The following GAL3ST2 variants were observed in gnomAD, a reference collection of about 807,000 sequenced individuals.
GAL3ST2 encodes the protein galactose-3-O-sulfotransferase 2.
A neutral mutation model predicts 12.9 loss-of-function variants in GAL3ST2; 16 were observed. The ratio of observed to expected loss-of-function variants is 1.24; its 90% confidence interval spans 0.84 to 1.88. GAL3ST2 has a LOEUF of 1.88. GAL3ST2 is among the 40% of genes most tolerant of loss of function. GAL3ST2 has a pLI of 0.00. For missense variants in GAL3ST2, 639 were observed against 571.8 expected, an observed-to-expected ratio of 1.12 and a Z score of -1.20; for synonymous variants, 302 against 273.9, an observed-to-expected ratio of 1.10 and a Z score of -1.01.
chr2:241,793,225 G>C lies in GAL3ST2; in HGVS notation c.30-5840G>C, dbSNP rs1288215871. On this transcript the variant is annotated intron_variant, in intron 1 of 3. Transcript: ENST00000192314. This position sits in a 1 kb window ranked among gnomAD's most constrained non-coding sequence, Gnocchi z 4.7. The stretch of plus-strand genomic sequence containing the variant: ...CTATGAACCTCCCAAATCTGAGACA[G>C]GTCTCAGTTAATTTAGAAAGTTTAT... 6.6e-6 allele frequency among the ~76,000 whole-genome samples: 1 copy of C among 152,204 alleles called. No homozygotes were observed. Among genetic ancestry groups the C allele is most frequent in the African/African-American group, 2.4e-5 (1 of 41,448 alleles).
rs1223438881 is a variant in GAL3ST2, at chr2:241,799,144, C to G, written c.109C>G (p.Leu37Val). The part of the protein sequence containing the change: ...LAGFLHSDLE[L>V]DTPLFGGQAE... ...CGGATTCCTGCACTCGGACTTAGAG[C>G]TGGACACACCGTAAGTCCTGCCCCC... The change falls in exon 2 of 4, where the codon CTG becomes GTG. Residue 37 changes from leucine (L) to valine (V), a missense_variant. Coordinates refer to ENST00000192314, the MANE Select transcript of GAL3ST2 (RefSeq NM_022134.3). 4 of 1,613,570 alleles carry G rather than the reference C, an allele frequency of 2.5e-6. No individual in the cohort carries two copies. Among genetic ancestry groups the G allele is most frequent in the South Asian group, 2.2e-5 (2 of 91,080 alleles).
intron 1 of GAL3ST2, among the ~76,000 whole-genome samples, chr2:241,785,005 A>C (rs1699611594): frequency 6.6e-6 from 1 of 152,254 alleles, no homozygotes; most frequent in Non-Finnish European, 1.5e-5. Context: ...TTTTATTTAG[A>C]CAGGGACTAC....
intron 1 of GAL3ST2, among the ~76,000 whole-genome samples, chr2:241,792,857 C>T (rs1699710345): frequency 6.6e-6 from 1 of 152,204 alleles, no homozygotes; most frequent in African/African-American, 2.4e-5. Context: ...TATTCAAAGT[C>T]TCCCCTCTGC....
At chr2:241,788,527 G>GGAAAT (rs1313878888) in intron 1 of GAL3ST2, among the ~76,000 whole-genome samples, 6 of 151,816 alleles carry the variant, frequency 4.0e-5, no homozygotes, top group Non-Finnish European at 5.9e-5. Flanking sequence ...ATTTGTGCGA[G>GGAAAT]GAACTGAACT....
intron 1 of GAL3ST2, among the ~76,000 whole-genome samples, chr2:241,797,977 C>T (rs1022408113): frequency 8.5e-5 from 13 of 152,182 alleles, no homozygotes; most frequent in Non-Finnish European, 1.8e-4. Flanking sequence ...GCCTGACCTG[C>T]ACTGAGACGC....
rs1021910469 is a variant in GAL3ST2, at chr2:241,802,084, G to A, written c.375+48G>A. ...GAGGGCGGGCTGCAGCCGTGCCTGT[G>A]GCTGTGGGTCTGGGTGGTGTAGCCT... On this transcript the variant is annotated intron_variant, in intron 3 of 3. Transcript: ENST00000192314. The surrounding 1 kb of genome is among the most constrained non-coding windows in gnomAD (Gnocchi z 4.8). The A allele has an allele frequency of 1.9e-6, 3 of 1,557,038 alleles. No homozygotes were observed. The African/African-American group carries it at 4.1e-5, about 21-fold the overall frequency.
chr2:241,802,026 A>G lies in GAL3ST2; in HGVS notation c.365A>G (p.Asn122Ser), dbSNP rs1309450617. Reference sequence around the variant, plus strand: ...ATCATGTGCAACCACCTGAGGTTCAACCTGCCTCAGGTACCGCGGGCCTGC... The same window carrying G: ...ATCATGTGCAACCACCTGAGGTTCAGCCTGCCTCAGGTACCGCGGGCCTGC... ...FNIMCNHLRF[N>S]LPQVQKVMPN... Residue 122 changes from asparagine (N) to serine (S), a missense_variant, in exon 3 of 4, where the codon AAC becomes AGC. Physicochemically the swap from Asn to Ser is conservative, Grantham distance 46. Transcript: ENST00000192314. This position sits in a 1 kb window ranked among gnomAD's most constrained non-coding sequence, Gnocchi z 4.8. 6.2e-7 allele frequency: 1 copy of G among 1,610,878 alleles called. No homozygotes were observed. Among genetic ancestry groups the G allele is most frequent in the Non-Finnish European group, 8.5e-7 (1 of 1,179,152 alleles).
At chr2:241,797,917 T>A (rs1699792581) in intron 1 of GAL3ST2, among the ~76,000 whole-genome samples, 1 of 152,194 alleles carries the variant, frequency 6.6e-6, no homozygotes, top group South Asian at 2.1e-4. Context: ...CCTCTCCAGA[T>A]GCTGAGCTTG....
In GAL3ST2 at chr2:241,776,916, C is replaced by A. The variant is rs766351168; in HGVS notation, c.-40C>A. On this transcript the variant is annotated 5_prime_UTR_variant, in exon 1 of 4. Coordinates refer to ENST00000192314, the MANE Select transcript of GAL3ST2 (RefSeq NM_022134.3). ...GAGGCGGTGGGACCTCGGGGGAGCT[C>A]AAGCCTCGACTGTCCCCTCGCTGGA... The A allele has an allele frequency of 9.5e-6, 14 of 1,466,532 alleles. No individual in the cohort carries two copies. The Admixed American group carries it at 3.1e-4, about 32-fold the overall frequency. 90.8% of individuals were successfully genotyped at this position (1,466,532 alleles called of 1,614,324 possible). A position where few individuals can be genotyped will look rare whatever the true frequency, so the allele number is the denominator to read the frequency against.
At chr2:241,794,088 A>C (rs1699740420) in intron 1 of GAL3ST2, among the ~76,000 whole-genome samples, 1 of 152,096 alleles carries the variant, frequency 6.6e-6, no homozygotes, top group Non-Finnish European at 1.5e-5. Context: ...CTGGGACCAC[A>C]GTCCGGAGCC....
Position 241,801,634 on chromosome 2 carries a change from GT to G in GAL3ST2, c.120-146del. 9.5e-7 allele frequency: 1 copy of G among 1,054,762 alleles called. No homozygotes were observed. The highest frequency in any genetic ancestry group is 1.3e-6 in the Non-Finnish European group (1 of 744,964). 65.3% of individuals were successfully genotyped at this position (1,054,762 alleles called of 1,614,324 possible). ...GGGCAAGGATTGGGGCCATGGGTCG[GT>G]GCCTACCCAGTTGGCCCCCTGGCCT... On this transcript the variant is annotated intron_variant, in intron 2 of 3. Coordinates refer to ENST00000192314, the MANE Select transcript of GAL3ST2 (RefSeq NM_022134.3). This position sits in a 1 kb window ranked among gnomAD's most constrained non-coding sequence, Gnocchi z 4.4.
chr2:241,803,815 G>C lies in GAL3ST2; in HGVS notation c.846G>C (p.Leu282=), dbSNP rs1699892804. The change falls in exon 4 of 4, where the codon CTG becomes CTC. Residue 282 remains leucine, a synonymous_variant. Coordinates refer to ENST00000192314, the MANE Select transcript of GAL3ST2 (RefSeq NM_022134.3). The part of the protein sequence containing the change: ...ARSWCALDWR[L]YEHFNRTLWA... ...GCTGGTGCGCGCTGGACTGGCGCCT[G>C]TACGAGCATTTCAACCGCACCCTCT... The C allele has an allele frequency of 2.0e-6, 3 of 1,493,808 alleles. No individual in the cohort carries two copies. The highest frequency in any genetic ancestry group is 2.7e-6 in the Non-Finnish European group (3 of 1,130,006). The allele number at this position is 1,493,808 out of a possible 1,614,324, so 92.5% of individuals were successfully genotyped here.
intron 1 of GAL3ST2, among the ~76,000 whole-genome samples, chr2:241,797,933 T>C (rs1452036405): frequency 6.6e-6 from 1 of 152,076 alleles, no homozygotes; most frequent in African/African-American, 2.4e-5. Context: ...GCTTGCCGAG[T>C]GCAGGTGTGG....
rs992702018 is a variant in GAL3ST2 at position 241,803,786 on chromosome 2, C to T, written c.817C>T (p.Arg273Trp). 1.9e-5 allele frequency: 29 copies of T among 1,505,720 alleles called. No individual in the cohort carries two copies. Among genetic ancestry groups the T allele is most frequent in the Non-Finnish European group, 1.5e-5 (17 of 1,134,236 alleles). The allele number at this position is 1,505,720 out of a possible 1,614,324, so 93.3% of individuals were successfully genotyped here. A position where few individuals can be genotyped will look rare whatever the true frequency, so the allele number is the denominator to read the frequency against. The change falls in exon 4 of 4, where the codon CGG becomes TGG. Residue 273 changes from arginine to tryptophan, a missense_variant. Coordinates refer to ENST00000192314, the MANE Select transcript of GAL3ST2 (RefSeq NM_022134.3). The part of the protein sequence containing the change: ...RLSPETRERA[R>W]SWCALDWRLY... The stretch of plus-strand genomic sequence containing the variant: ...GTCGCCCGAGACCCGGGAGCGCGCG[C>T]GGAGCTGGTGCGCGCTGGACTGGCG...
chr2:241,783,028 A>G (rs945033251), intron 1 of GAL3ST2, among the ~76,000 whole-genome samples: 3 of 151,910 alleles, frequency 2.0e-5, no homozygotes, highest in African/African-American at 7.3e-5. Context: ...AATCCTAGCT[A>G]CTTCGAGGCT....
rs999752222 is a variant in GAL3ST2 at position 241,793,433 on chromosome 2, A to G, written c.30-5632A>G. Among the ~76,000 whole-genome samples, 4 of 150,368 alleles carry G rather than the reference A, an allele frequency of 2.7e-5. No homozygotes were observed. The South Asian group carries it at 6.3e-4, about 24-fold the overall frequency. ...ATACATGTACGTGTGTATATTGTGT[A>G]CGTGTATGTATGTACTGTGTATGCG... On this transcript the variant is annotated intron_variant, in intron 1 of 3. Coordinates refer to ENST00000192314, the MANE Select transcript of GAL3ST2 (RefSeq NM_022134.3). The surrounding 1 kb of genome is among the most constrained non-coding windows in gnomAD (Gnocchi z 4.7).
rs576748791 is a variant in GAL3ST2, at chr2:241,793,683, ATG to A, written c.30-5374_30-5373del. ...ATGTGTGTGTATGCACATATTGTGTATGTGTGTGTATATGTGTATGTACGTAT... is the reference window on the plus strand; with the variant it reads ...ATGTGTGTGTATGCACATATTGTGTATGTGTGTATATGTGTATGTACGTAT... On this transcript the variant is annotated intron_variant, in intron 1 of 3. Transcript: ENST00000192314. This position sits in a 1 kb window ranked among gnomAD's most constrained non-coding sequence, Gnocchi z 4.7. Among the ~76,000 whole-genome samples, 171 of 149,650 alleles carry A rather than the reference ATG, an allele frequency of 1.1e-3. No homozygotes were observed. Among genetic ancestry groups the A allele is most frequent in the South Asian group, 1.9e-3 (9 of 4,716 alleles).
chr2:241,798,117 G>A (rs1169200166), intron 1 of GAL3ST2, among the ~76,000 whole-genome samples: 2 of 152,144 alleles, frequency 1.3e-5, no homozygotes, highest in Non-Finnish European at 2.9e-5. Context: ...GGGGACCCTG[G>A]CTCCCCGCCC....
intron 1 of GAL3ST2, among the ~76,000 whole-genome samples, chr2:241,798,128 G>A (rs1430287420): frequency 2.6e-5 from 4 of 152,152 alleles, no homozygotes; most frequent in African/African-American, 9.7e-5. Flanking sequence ...CTCCCCGCCC[G>A]ACTCCACGGT....
Sources: gnomAD v4.1 joint callset for allele counts (sites outside exome capture counted in the v4.1 genomes callset) on GRCh38, gnomAD v4.1.1 for gene constraint, Gnocchi (gnomAD v3.1) non-coding constraint, MANE v1.5 for transcripts, NCBI Gene and HGNC (gene_info 2026-07-23, HGNC 2026-07-21) for gene names.